The following EPHB2 variants were observed in gnomAD, a reference collection of about 807,000 sequenced individuals.
EPHB2 encodes EPH receptor B2.
A neutral mutation model predicts 96.4 loss-of-function variants in EPHB2; 18 were observed. That is an observed-to-expected ratio of 0.19 (90% CI 0.13 to 0.28). The LOEUF (loss-of-function observed/expected upper bound fraction) is 0.28. EPHB2 is among the 10% of genes least tolerant of loss of function. The probability of loss-of-function intolerance (pLI) is 1.00; values close to 1 mark genes in which losing one functional copy is unlikely to be tolerated. For synonymous variants in EPHB2, 506 were observed against 534.1 expected (o/e 0.95, Z 0.72); for missense variants, 989 against 1,355.4 (o/e 0.73, Z 4.25).
intron 3 of EPHB2, among the ~76,000 whole-genome samples, chr1:22,836,426 C>T (rs1645386058): frequency 6.6e-6 from 1 of 152,238 alleles, no homozygotes; most frequent in East Asian, 1.9e-4. Context: ...GCAGTTGCTT[C>T]AATGGGCATG....
intron 1 of EPHB2, among the ~76,000 whole-genome samples, chr1:22,777,288 G>T (rs377242727): frequency 6.6e-5 from 10 of 152,288 alleles, no homozygotes; most frequent in African/African-American, 2.4e-4. Flanking sequence ...GTGTGATCTT[G>T]GGCAAGTTCC....
At chr1:22,736,858 GC>G (rs1643843129) in intron 1 of EPHB2, among the ~76,000 whole-genome samples, 1 of 152,140 alleles carries the variant, frequency 6.6e-6, no homozygotes, top group South Asian at 2.1e-4. Flanking sequence ...GACTCAGCCG[GC>G]CCCCTCCCTG....
At chr1:22,867,833 C>T (rs1042930600) in intron 5 of EPHB2, among the ~76,000 whole-genome samples, 4 of 152,184 alleles carry the variant, frequency 2.6e-5, no homozygotes, top group African/African-American at 9.7e-5. Context: ...GATCGTGCCA[C>T]TGCACTCCAG....
At chr1:22,763,095 A>G (rs908875668) in intron 1 of EPHB2, among the ~76,000 whole-genome samples, 4 of 152,150 alleles carry the variant, frequency 2.6e-5, no homozygotes, top group African/African-American at 9.7e-5. Context: ...GTTCCCTGCC[A>G]GGATCTGAGT....
intron 3 of EPHB2, among the ~76,000 whole-genome samples, chr1:22,847,101 T>G (rs1645554783): frequency 6.6e-6 from 1 of 152,162 alleles, no homozygotes; most frequent in Non-Finnish European, 1.5e-5. Flanking sequence ...CTCCATCACC[T>G]CTTCTAGATG....
At chr1:22,714,913 C>A (rs1643252364) in intron 1 of EPHB2, among the ~76,000 whole-genome samples, 1 of 152,206 alleles carries the variant, frequency 6.6e-6, no homozygotes, top group South Asian at 2.1e-4. Context: ...CTGCTTCTTT[C>A]CATCCCACCT....
chr1:22,912,710 A>G, intron 15 of EPHB2, 111 bp downstream of exon 15: 7 of 1,541,544 alleles, frequency 4.5e-6, no homozygotes, highest in Non-Finnish European at 6.2e-6. Flanking sequence ...CCAATAGGGA[A>G]GCAGGGACCA....
chr1:22,792,202 G>A (rs1644704020), intron 3 of EPHB2, among the ~76,000 whole-genome samples: 1 of 152,022 alleles, frequency 6.6e-6, no homozygotes, highest in African/African-American at 2.4e-5. Flanking sequence ...CTGCGGGGGT[G>A]GGGTGCGGTC....
chr1:22,834,519 T>C (rs1463894141), intron 3 of EPHB2, among the ~76,000 whole-genome samples: 1 of 152,184 alleles, frequency 6.6e-6, no homozygotes, highest in Non-Finnish European at 1.5e-5. Context: ...TTGTGGGTTT[T>C]ACAATCTCTG....
intron 1 of EPHB2, among the ~76,000 whole-genome samples, chr1:22,712,480 C>T (rs1468138850): frequency 1.3e-5 from 2 of 152,154 alleles, no homozygotes; most frequent in Admixed American, 6.5e-5. Context: ...TCAGACCAGA[C>T]GTGGGGGCTG....
intron 3 of EPHB2, among the ~76,000 whole-genome samples, chr1:22,797,762 C>T (rs748042808): frequency 1.3e-5 from 2 of 152,070 alleles, no homozygotes; most frequent in Non-Finnish European, 2.9e-5. Flanking sequence ...CTCACAAGGC[C>T]CTTCATCATC....
At position 22,860,422 on chromosome 1, in the gene EPHB2, A is replaced by G. The variant is rs1198668519; in HGVS notation, c.812-2615A>G. Among the ~76,000 whole-genome samples the G allele has an allele frequency of 1.3e-5, 2 of 152,070 alleles. No individual in the cohort carries two copies. Among genetic ancestry groups the G allele is most frequent in the African/African-American group, 4.8e-5 (2 of 41,400 alleles). Reference sequence around the variant, plus strand: ...GCAGTGCCATAGATACAGAAATGATACAGTGCCCGGTGGTGGGGGTCGAAC... The same window carrying G: ...GCAGTGCCATAGATACAGAAATGATGCAGTGCCCGGTGGTGGGGGTCGAAC... On this transcript the variant is annotated intron_variant, in intron 3 of 15. Transcript: ENST00000374630. The surrounding 1 kb of genome is among the most constrained non-coding windows in gnomAD (Gnocchi z 4.6).
chr1:22,863,357 C>T (rs1467804836), intron 4 of EPHB2, 165 bp downstream of exon 4: 19 of 1,111,988 alleles, frequency 1.7e-5, no homozygotes, highest in Non-Finnish European at 2.3e-5. Context: ...GGTGGCCATG[C>T]TCCCACCTTG....
intron 1 of EPHB2, among the ~76,000 whole-genome samples, chr1:22,774,387 T>C (rs916426859): frequency 9.9e-5 from 15 of 152,110 alleles, no homozygotes; most frequent in Non-Finnish European, 1.6e-4. Context: ...TGAATGACCA[T>C]GACTTTGTTA....
chr1:22,818,949 T>C (rs1645111589), intron 3 of EPHB2, among the ~76,000 whole-genome samples: 2 of 145,766 alleles, frequency 1.4e-5, no homozygotes, highest in Non-Finnish European at 3.0e-5. Flanking sequence ...ATGGCCCCCA[T>C]AGGTTAGAGT....
chr1:22,755,909 T>C (rs538465927), intron 1 of EPHB2, among the ~76,000 whole-genome samples: 3 of 152,282 alleles, frequency 2.0e-5, no homozygotes, highest in South Asian at 2.1e-4. Context: ...GCAATTTGTG[T>C]GGCTCATCTT....
At chr1:22,766,591 T>C (rs1391895549) in intron 1 of EPHB2, among the ~76,000 whole-genome samples, 1 of 152,058 alleles carries the variant, frequency 6.6e-6, no homozygotes, top group Non-Finnish European at 1.5e-5. Context: ...CCAGATGAGG[T>C]CACTGAGGCT....
rs74475339 is a variant in EPHB2, at chr1:22,764,124, A to G, written c.62-17297A>G. 1.7e-3 allele frequency among the ~76,000 whole-genome samples: 253 copies of G among 152,318 alleles called. 8 individuals carry two copies. In the East Asian group the frequency reaches 0.042, roughly 25 times the overall value. ...GATACTGGGGATTAGGAATGTGGCCATCTCTTGGGGGACATTATTCTGTCT... is the reference window on the plus strand; with the variant it reads ...GATACTGGGGATTAGGAATGTGGCCGTCTCTTGGGGGACATTATTCTGTCT... On this transcript the variant is annotated intron_variant, in intron 1 of 15. Coordinates refer to ENST00000374630, the MANE Select transcript of EPHB2 (RefSeq NM_017449.5).
At chr1:22,841,197 T>C (rs951982108) in intron 3 of EPHB2, among the ~76,000 whole-genome samples, 2 of 152,240 alleles carry the variant, frequency 1.3e-5, no homozygotes, top group Non-Finnish European at 2.9e-5. Flanking sequence ...AGTAGACGAA[T>C]GGCAGCAGGT....
Sources: allele counts gnomAD v4.1 joint callset (sites outside exome capture counted in the v4.1 genomes callset), GRCh38; gene constraint gnomAD v4.1.1; non-coding constraint Gnocchi (gnomAD v3.1); transcripts MANE v1.5; gene names NCBI Gene and HGNC (gene_info 2026-07-23, HGNC 2026-07-21).